HMGA2: variants seen among roughly 807,000 people sequenced by gnomAD.
HMGA2 encodes the protein high mobility group AT-hook 2, also known as high mobility group protein HMGI-C.
Under a neutral mutation model 19.1 loss-of-function variants are expected in HMGA2, and 8 were observed. The observed-to-expected ratio is 0.42, with a 90% CI of 0.25 to 0.76. HMGA2 has a LOEUF of 0.76. Among genes scored for constraint, HMGA2 ranks in the 30% least tolerant of loss-of-function variants. The pLI, the probability that HMGA2 is intolerant of heterozygous loss-of-function variation, is 0.28. For missense variants in HMGA2, 109 were observed against 136.3 expected (o/e 0.80, Z 1.00); for synonymous variants, 60 against 48.8 (o/e 1.23, Z -0.96).
chr12:65,842,749 G>A (rs1443145303), intron 3 of HMGA2: 1 of 1,386,874 alleles, frequency 7.2e-7, no homozygotes, highest in Non-Finnish European at 9.3e-7. Flanking sequence ...AATTCCATTA[G>A]CCAGTCCTGC....
At chr12:65,858,852 A>T (rs1405529726) in intron 3 of HMGA2, 1 of 152,238 alleles carries the variant, frequency 6.6e-6, no homozygotes, top group Non-Finnish European at 1.5e-5. Flanking sequence ...ATTCTAATCA[A>T]CTGGACTGTT....
At chr12:65,859,018 T>G (rs992945123) in intron 3 of HMGA2, 1 of 152,218 alleles carries the variant, frequency 6.6e-6, no homozygotes, top group Non-Finnish European at 1.5e-5. Flanking sequence ...GGGATCGTGT[T>G]TATCTGTCAT....
intron 3 of HMGA2, among the ~76,000 whole-genome samples, chr12:65,949,423 C>T (rs1443950176): frequency 6.6e-6 from 1 of 152,068 alleles, no homozygotes; most frequent in Admixed American, 6.6e-5. Flanking sequence ...ATCCTAAGTG[C>T]TGTTATTTGG....
At chr12:65,915,644 C>G in intron 3 of HMGA2, 1 of 728,574 alleles carries the variant, frequency 1.4e-6, no homozygotes, top group Non-Finnish European at 1.7e-6. Context: ...CATTTCATTC[C>G]CAGCTTCAGA....
At position 65,963,251 on chromosome 12, in the gene HMGA2, A is replaced by G; in HGVS notation, c.289A>G (p.Thr97Ala). 1 of 1,613,726 alleles carries G rather than the reference A, an allele frequency of 6.2e-7. No homozygotes were observed. The highest frequency in any genetic ancestry group is 2.2e-5 in the East Asian group (1 of 44,864). The stretch of plus-strand genomic sequence containing the variant: ...TGCCCTTTGTGTGTTCCAGGAGGAA[A>G]CTGAAGAGACATCCTCACAAGAGTC... ...VVQKKPAQEE[T>A]EETSSQESAE... Residue 97 changes from threonine (T) to alanine (A), a missense_variant, in exon 5 of 5, where the codon ACT (threonine) becomes GCT (alanine). Coordinates refer to ENST00000403681, the MANE Select transcript of HMGA2 (RefSeq NM_003483.6).
chr12:65,840,350 C>T (rs1870943440), intron 3 of HMGA2, among the ~76,000 whole-genome samples: 1 of 152,180 alleles, frequency 6.6e-6, no homozygotes, highest in Admixed American at 6.5e-5. Flanking sequence ...TGGGAAGACT[C>T]AAGCATCAGG....
At chr12:65,922,365 G>A (rs1475644936) in intron 3 of HMGA2, among the ~76,000 whole-genome samples, 1 of 152,204 alleles carries the variant, frequency 6.6e-6, no homozygotes, top group Non-Finnish European at 1.5e-5. Context: ...ACCTGGATGT[G>A]AGACCTGGAG....
At chr12:65,919,846 C>T (rs574892709) in intron 3 of HMGA2, among the ~76,000 whole-genome samples, 97 of 152,314 alleles carry the variant, frequency 6.4e-4, no homozygotes, top group African/African-American at 2.3e-3. Flanking sequence ...TCCTGCTTTT[C>T]CTCAATCCAC....
intron 3 of HMGA2, among the ~76,000 whole-genome samples, chr12:65,908,712 T>G (rs1382805975): frequency 1.3e-5 from 2 of 152,220 alleles, no homozygotes; most frequent in Admixed American, 1.3e-4. Flanking sequence ...GATGCCTATG[T>G]TTTTAACCAT....
At chr12:65,851,818 T>C (rs1871486400) in intron 3 of HMGA2, among the ~76,000 whole-genome samples, 1 of 152,196 alleles carries the variant, frequency 6.6e-6, no homozygotes, top group South Asian at 2.1e-4. Flanking sequence ...AATGATATGG[T>C]AGATGGAACA....
At chr12:65,915,417 T>C in intron 3 of HMGA2, 3 of 1,231,858 alleles carry the variant, frequency 2.4e-6, no homozygotes, top group Non-Finnish European at 2.0e-6. Context: ...GCTTAGAGAG[T>C]AGAGGGTGGG....
intron 3 of HMGA2, among the ~76,000 whole-genome samples, chr12:65,892,026 G>T (rs893745748): frequency 6.6e-6 from 1 of 152,164 alleles, no homozygotes; most frequent in African/African-American, 2.4e-5. Context: ...ACAATAATGC[G>T]CTGCCTTGTC....
intron 1 of HMGA2, chr12:65,826,257 C>T (rs1330426389): frequency 6.6e-6 from 1 of 152,406 alleles, no homozygotes; most frequent in Non-Finnish European, 1.5e-5. Context: ...TCGAGGGGCG[C>T]CCGGGACCCT....
intron 4 of HMGA2, chr12:65,956,202 G>A (rs756615628): frequency 2.6e-5 from 4 of 152,214 alleles, no homozygotes; most frequent in Non-Finnish European, 5.9e-5. Flanking sequence ...AAAGATTACC[G>A]ATGTATTTAT....
At chr12:65,871,462 T>A (rs1366188115) in intron 3 of HMGA2, among the ~76,000 whole-genome samples, 4 of 152,224 alleles carry the variant, frequency 2.6e-5, no homozygotes, top group Admixed American at 2.6e-4. Flanking sequence ...TCCTTTTGTG[T>A]GTGAATGGAA....
intron 3 of HMGA2, among the ~76,000 whole-genome samples, chr12:65,933,001 C>G (rs1055182070): frequency 5.3e-5 from 8 of 152,180 alleles, no homozygotes; most frequent in Admixed American, 6.5e-5. Context: ...CTTGTTTTTT[C>G]TTTCCCACAC....
At chr12:65,868,850 G>A (rs1872567470) in intron 3 of HMGA2, among the ~76,000 whole-genome samples, 1 of 152,096 alleles carries the variant, frequency 6.6e-6, no homozygotes. Flanking sequence ...ACAAAATAAT[G>A]GAATCATCAA....
chr12:65,842,737 A>G lies in HMGA2; in HGVS notation c.249+4168A>G. 6.9e-6 allele frequency: 10 copies of G among 1,441,378 alleles called. No individual in the cohort carries two copies. In the South Asian group the frequency reaches 1.4e-4, roughly 20 times the overall value. The allele number at this position is 1,441,378 out of a possible 1,614,324, so 89.3% of individuals were successfully genotyped here. On this transcript the variant is annotated intron_variant, in intron 3 of 4. Coordinates refer to ENST00000403681, the MANE Select transcript of HMGA2 (RefSeq NM_003483.6). ...ATGTGCTGATTCTCAGAACTTCTAT[A>G]GAATTCCATTAGCCAGTCCTGCCAA...
chr12:65,861,469 G>A (rs144094721), intron 3 of HMGA2, among the ~76,000 whole-genome samples: 371 of 152,310 alleles, frequency 2.4e-3, no homozygotes, highest in African/African-American at 7.9e-3. Flanking sequence ...GACAAAACCT[G>A]TATGTAAACG....
Sources: allele counts gnomAD v4.1 joint callset (sites outside exome capture counted in the v4.1 genomes callset), GRCh38; gene constraint gnomAD v4.1.1; transcripts MANE v1.5; gene names NCBI Gene and HGNC (gene_info 2026-07-23, HGNC 2026-07-21).